Variants in PDPK1 observed in about 807,000 individuals in gnomAD.
PDPK1 encodes the protein 3-phosphoinositide-dependent protein kinase 1.
A neutral mutation model predicts 39.8 loss-of-function variants in PDPK1; 7 were observed. That is an observed-to-expected ratio of 0.18 (90% CI 0.10 to 0.33). The LOEUF is 0.33. Ranked by LOEUF, PDPK1 falls within the 10% of genes least tolerant of loss-of-function variation. The pLI is 1.00. For synonymous variants in PDPK1, 118 were observed against 159.1 expected, an observed-to-expected ratio of 0.74 and a Z score of 1.95; for missense variants, 182 against 384.7, an observed-to-expected ratio of 0.47 and a Z score of 4.41.
chr16:2,595,104 C>G (rs779202938), intron 11 of PDPK1, among the ~76,000 whole-genome samples: 1 of 152,132 alleles, frequency 6.6e-6, no homozygotes, highest in Non-Finnish European at 1.5e-5. Context: ...GCCTGGGTGA[C>G]GGAGCAAGAC....
chr16:2,587,066 C>T (rs944256214), intron 11 of PDPK1, among the ~76,000 whole-genome samples, 173 bp downstream of exon 11: 16 of 152,200 alleles, frequency 1.1e-4, no homozygotes, highest in Non-Finnish European at 2.1e-4. Flanking sequence ...AGGCAGCCGG[C>T]CCAGGGGCTG....
chr16:2,597,088 C>A lies in PDPK1; in HGVS notation c.1402-35C>A. On this transcript the variant is annotated intron_variant, in intron 12 of 13. Transcript: ENST00000342085. The surrounding 1 kb of genome is among the most constrained non-coding windows in gnomAD (Gnocchi z 6.3). The stretch of plus-strand genomic sequence containing the variant: ...CTCCAGGAGATGCCGTCAGCACTGG[C>A]CTCTGAGGCCTGTTGTTTTGTGTTT... 1 of 1,522,734 alleles carries A rather than the reference C, an allele frequency of 6.6e-7. No individual in the cohort carries two copies. The highest frequency in any genetic ancestry group is 8.9e-7 in the Non-Finnish European group (1 of 1,127,124). 94.3% of individuals were successfully genotyped at this position (1,522,734 alleles called of 1,614,324 possible).
At chr16:2,545,468 G>T (rs1373061252) in intron 1 of PDPK1, among the ~76,000 whole-genome samples, 3 of 151,602 alleles carry the variant, frequency 2.0e-5, no homozygotes, top group African/African-American at 7.3e-5. Context: ...TGAGTAGCTG[G>T]GACTATAGGC....
At chr16:2,592,346 A>G (rs527982859) in intron 11 of PDPK1, among the ~76,000 whole-genome samples, 1 of 152,234 alleles carries the variant, frequency 6.6e-6, no homozygotes, top group South Asian at 2.1e-4. Flanking sequence ...GTGCCTCGGG[A>G]AAGTCCCGTG....
intron 1 of PDPK1, among the ~76,000 whole-genome samples, chr16:2,542,760 C>T (rs1026107911): frequency 1.2e-4 from 19 of 152,124 alleles, no homozygotes; most frequent in South Asian, 8.3e-4. Context: ...CGCAGGGATT[C>T]GAAATATTTA....
intron 7 of PDPK1, among the ~76,000 whole-genome samples, chr16:2,580,408 G>A (rs963755983): frequency 6.8e-6 from 1 of 146,098 alleles, no homozygotes; most frequent in Non-Finnish European, 1.5e-5. Context: ...GGGTCTGCTG[G>A]GCTGAGTGAG....
intron 11 of PDPK1, among the ~76,000 whole-genome samples, chr16:2,589,001 G>T (rs1423864599): frequency 2.0e-5 from 3 of 152,178 alleles, no homozygotes; most frequent in Admixed American, 6.5e-5. Flanking sequence ...CTGTCGCCCA[G>T]GCTGGAGTGC....
intron 12 of PDPK1, 28 bp downstream of exon 12, chr16:2,595,878 G>A (rs770023184): frequency 1.6e-5 from 26 of 1,576,230 alleles, no homozygotes; most frequent in South Asian, 3.3e-5. Flanking sequence ...CCGCTGCTCC[G>A]CACGGACACC....
In PDPK1 at chr16:2,601,546, C is replaced by T. The variant is rs1451157258; in HGVS notation, c.*3779C>T. 2 of 234,394 alleles carry T rather than the reference C, an allele frequency of 8.5e-6. No homozygotes were observed. Among genetic ancestry groups the T allele is most frequent in the Non-Finnish European group, 8.5e-6 (1 of 117,878 alleles). 14.5% of individuals were successfully genotyped at this position (234,394 alleles called of 1,614,324 possible). ...GCAGAGATAACAAGTGTTGAACTGA[C>T]CTTGCCACATGCTTAGTGAGTGATT... On this transcript the variant is annotated 3_prime_UTR_variant, in exon 14 of 14. Coordinates refer to ENST00000342085, the MANE Select transcript of PDPK1 (RefSeq NM_002613.5).
chr16:2,577,932 T>A (rs1489229884), intron 7 of PDPK1, among the ~76,000 whole-genome samples: 2 of 147,530 alleles, frequency 1.4e-5, no homozygotes, highest in Admixed American at 6.7e-5. Flanking sequence ...AGAGACGGGG[T>A]TTCACCATGT....
intron 10 of PDPK1, among the ~76,000 whole-genome samples, chr16:2,585,827 G>T (rs890405516): frequency 6.6e-6 from 1 of 152,230 alleles, no homozygotes; most frequent in Admixed American, 6.5e-5. Context: ...GGATGGTTGC[G>T]TGGGGCAGCA....
intron 1 of PDPK1, chr16:2,538,906 G>A (rs2066190080): frequency 5.5e-6 from 3 of 544,826 alleles, no homozygotes; most frequent in African/African-American, 2.0e-5. Context: ...TTTTCCATAT[G>A]CTAAGTTCTA....
At chr16:2,592,421 AG>A in intron 11 of PDPK1, 1 of 266,386 alleles carries the variant, frequency 3.8e-6, no homozygotes, top group Non-Finnish European at 7.4e-6. Flanking sequence ...CAGGGAGGAA[AG>A]GGCTCTCAGG....
rs577333874 is a variant in PDPK1, at chr16:2,543,924, C to T, written c.24+5788C>T. 5.2e-3 allele frequency among the ~76,000 whole-genome samples: 773 copies of T among 149,008 alleles called. 5 individuals are homozygous for T. The highest frequency in any genetic ancestry group is 8.0e-3 in the Non-Finnish European group (540 of 67,444). ...TTTTTTTTGTAATTTTAGTAGAGAC[C>T]GGGTTTTGCCATGTTGGCCAGGCTG... On this transcript the variant is annotated intron_variant, in intron 1 of 13. Coordinates refer to ENST00000342085, the MANE Select transcript of PDPK1 (RefSeq NM_002613.5).
intron 1 of PDPK1, chr16:2,538,723 C>G: frequency 7.8e-7 from 1 of 1,286,308 alleles, no homozygotes; most frequent in Non-Finnish European, 1.0e-6. Context: ...TGGGAAGCCC[C>G]TGGGAGGCCG....
At position 2,597,705 on chromosome 16, in the gene PDPK1, A is replaced by G; in HGVS notation, c.1609A>G (p.Arg537Gly). 6.2e-7 allele frequency: 1 copy of G among 1,613,854 alleles called. No homozygotes were observed. Among genetic ancestry groups the G allele is most frequent in the Non-Finnish European group, 8.5e-7 (1 of 1,180,012 alleles). ...CAGCGGGAACGCACACAAGTGGTGCAGGAAGATCCAGGAGGTTTGGAGGCA... is the reference window on the plus strand; with the variant it reads ...CAGCGGGAACGCACACAAGTGGTGCGGGAAGATCCAGGAGGTTTGGAGGCA... ...DPSGNAHKWCRKIQEVWRQRY... is the reference protein window; with the variant it reads ...DPSGNAHKWCGKIQEVWRQRY... Residue 537 changes from arginine to glycine, a missense_variant, in exon 14 of 14, where the codon AGG becomes GGG. Physicochemically the swap from Arg to Gly is moderately radical, Grantham distance 125. Around this residue, in one of 5 missense-constraint regions of PDPK1, gnomAD observed 67 missense variants for 87.8 expected, o/e 0.76. Coordinates refer to ENST00000342085, the MANE Select transcript of PDPK1 (RefSeq NM_002613.5). This position sits in a 1 kb window ranked among gnomAD's most constrained non-coding sequence, Gnocchi z 6.3.
In PDPK1 at chr16:2,597,011, G is replaced by A; in HGVS notation, c.1402-112G>A. 1.5e-6 allele frequency: 1 copy of A among 684,078 alleles called. No individual in the cohort carries two copies. Among genetic ancestry groups the A allele is most frequent in the Admixed American group, 2.8e-5 (1 of 35,226 alleles). 42.4% of individuals were successfully genotyped at this position (684,078 alleles called of 1,614,324 possible). On this transcript the variant is annotated intron_variant, in intron 12 of 13. Coordinates refer to ENST00000342085, the MANE Select transcript of PDPK1 (RefSeq NM_002613.5). The surrounding 1 kb of genome is among the most constrained non-coding windows in gnomAD (Gnocchi z 6.3). ...GCCCCTGGGTGAGTGCACAGGTGGT[G>A]GTGGTGGCCCTGTGTCCTGAGCAGC...
intron 1 of PDPK1, among the ~76,000 whole-genome samples, chr16:2,544,835 C>T (rs1430493968): frequency 1.4e-4 from 22 of 152,014 alleles, no homozygotes; most frequent in Admixed American, 2.6e-4. Flanking sequence ...CCGCCCACCT[C>T]GGCCTCCCAA....
chr16:2,585,754 G>T (rs1420026794), intron 10 of PDPK1, among the ~76,000 whole-genome samples: 1 of 152,262 alleles, frequency 6.6e-6, no homozygotes, highest in Non-Finnish European at 1.5e-5. Context: ...AGGCTTTAGG[G>T]CTGTGAGGCG....
Sources: allele counts gnomAD v4.1 joint callset (sites outside exome capture counted in the v4.1 genomes callset), GRCh38; gene constraint gnomAD v4.1.1; regional missense constraint gnomAD v4.1.1; non-coding constraint Gnocchi (gnomAD v3.1); transcripts MANE v1.5; gene names NCBI Gene and HGNC (gene_info 2026-07-23, HGNC 2026-07-21).